EML6: variants seen among roughly 807,000 people sequenced by gnomAD.
EML6 encodes EMAP like 6, also known as echinoderm microtubule-associated protein-like 6.
In EML6, 154 loss-of-function variants were observed where a neutral mutation model predicts 240.1. The ratio of observed to expected loss-of-function variants is 0.64; its 90% confidence interval spans 0.56 to 0.73. The LOEUF (loss-of-function observed/expected upper bound fraction) is 0.73. Ranked by LOEUF, EML6 falls within the 30% of genes least tolerant of loss-of-function variation. The pLI is 0.00. For missense variants in EML6, 2,964 were observed against 2,474.6 expected (o/e 1.20, Z -4.20); for synonymous variants, 1,148 against 899.0 (o/e 1.28, Z -4.95).
intron 25 of EML6, among the ~76,000 whole-genome samples, chr2:54,914,330 C>G (rs1198043693): frequency 6.6e-6 from 1 of 152,182 alleles, no homozygotes; most frequent in Non-Finnish European, 1.5e-5. Flanking sequence ...CATGAAGCCT[C>G]TCAATTTCTC....
At chr2:54,771,703 C>T (rs1668408344) in intron 2 of EML6, among the ~76,000 whole-genome samples, 1 of 152,200 alleles carries the variant, frequency 6.6e-6, no homozygotes, top group Non-Finnish European at 1.5e-5. Context: ...TGCAGCTGTT[C>T]CTCACAGTTG....
intron 8 of EML6, among the ~76,000 whole-genome samples, chr2:54,844,581 G>T (rs1359328048): frequency 6.6e-6 from 1 of 152,206 alleles, no homozygotes; most frequent in Non-Finnish European, 1.5e-5. Flanking sequence ...TTGGTCTTCT[G>T]CAGGGGGCTG....
intron 22 of EML6, 124 bp from the exon 23 acceptor site, chr2:54,902,920 G>T: frequency 1.2e-6 from 1 of 835,292 alleles, no homozygotes; most frequent in Non-Finnish European, 1.9e-6. Context: ...CAAGTGTAGT[G>T]TCAATTTAAA....
chr2:54,923,137 C>T (rs1045118445), intron 26 of EML6, among the ~76,000 whole-genome samples: 1 of 151,754 alleles, frequency 6.6e-6, no homozygotes, highest in Non-Finnish European at 1.5e-5. Flanking sequence ...GATGGGGTTT[C>T]TCCATGTTGA....
intron 7 of EML6, among the ~76,000 whole-genome samples, chr2:54,843,217 T>G (rs1669555609): frequency 6.6e-6 from 1 of 152,224 alleles, no homozygotes; most frequent in East Asian, 1.9e-4. Context: ...AAATACATTC[T>G]ACTGTTTAAG....
intron 38 of EML6, 73 bp downstream of exon 38, chr2:54,964,806 G>A (rs1406992139): frequency 3.5e-6 from 5 of 1,408,934 alleles, no homozygotes; most frequent in South Asian, 2.7e-5. Context: ...TATATTAATC[G>A]AGTCCTTACT....
At chr2:54,853,285 T>C (rs551555848) in intron 10 of EML6, among the ~76,000 whole-genome samples, 22 of 152,302 alleles carry the variant, frequency 1.4e-4, no homozygotes, top group African/African-American at 4.3e-4. Context: ...TAAGTAATTG[T>C]TAGTAGCTTG....
In EML6 at chr2:54,847,078, T is replaced by C. The variant is rs1252828970; in HGVS notation, c.1050-408T>C. On this transcript the variant is annotated intron_variant, in intron 8 of 41. Transcript: ENST00000356458. ...ACACACTACCACATCCAGCTAATTT[T>C]TGTATTTTTTGTAGAGTCTGTGTCT... Among the ~76,000 whole-genome samples, 5 of 151,512 alleles carry C rather than the reference T, an allele frequency of 3.3e-5. No homozygotes were observed. In the South Asian group the frequency reaches 8.4e-4, roughly 25 times the overall value.
rs897065373 is a variant in EML6, at chr2:54,959,039, C to T, written c.4696-65C>T. ...TAGCTCTGGTTCCTTAATGAGAGAACGGGTGGCTGGGGAGGGACCCGCTTG... is the reference window on the plus strand; with the variant it reads ...TAGCTCTGGTTCCTTAATGAGAGAATGGGTGGCTGGGGAGGGACCCGCTTG... On this transcript the variant is annotated intron_variant, in intron 33 of 41. Transcript: ENST00000356458. The T allele has an allele frequency of 2.3e-5, 33 of 1,436,094 alleles. No individual in the cohort carries two copies. In the Admixed American group the frequency reaches 4.3e-4, roughly 19 times the overall value. The allele number at this position is 1,436,094 out of a possible 1,614,324, so 89.0% of individuals were successfully genotyped here.
chr2:54,954,921 C>T (rs532786632), intron 32 of EML6, among the ~76,000 whole-genome samples: 1 of 152,340 alleles, frequency 6.6e-6, no homozygotes, highest in Admixed American at 6.5e-5. Flanking sequence ...AGAGGTGTCA[C>T]TTCTCCCATC....
rs565679124 is a variant in EML6, at chr2:54,790,213, G to C, written c.198-23019G>C. The stretch of plus-strand genomic sequence containing the variant: ...TTATTTCTAATGAGCCAATTGAAAA[G>C]CAAATTAGATAACTTGCTGTGTGTA... On this transcript the variant is annotated intron_variant, in intron 2 of 41. Coordinates refer to ENST00000356458, the MANE Select transcript of EML6 (RefSeq NM_001039753.4). Among the ~76,000 whole-genome samples, 167 of 152,268 alleles carry C rather than the reference G, an allele frequency of 1.1e-3. 1 individual carries two copies. Among genetic ancestry groups the C allele is most frequent in the African/African-American group, 3.8e-3 (157 of 41,558 alleles).
At chr2:54,899,893 T>A (rs1249049652) in intron 22 of EML6, 111 bp downstream of exon 22, 1 of 1,037,636 alleles carries the variant, frequency 9.6e-7, no homozygotes, top group Non-Finnish European at 1.4e-6. Context: ...TGCCCATAAA[T>A]ATGCTGGGCA....
At position 54,911,037 on chromosome 2, in the gene EML6, T is replaced by C; in HGVS notation, c.3493T>C (p.Ser1165Pro). 1 of 1,487,874 alleles carries C rather than the reference T, an allele frequency of 6.7e-7. No homozygotes were observed. Among genetic ancestry groups the C allele is most frequent in the South Asian group, 1.3e-5 (1 of 79,584 alleles). The allele number at this position is 1,487,874 out of a possible 1,614,324, so 92.2% of individuals were successfully genotyped here. Residue 1165 changes from serine to proline, a missense_variant, in exon 25 of 42, where the codon TCA becomes CCA. Transcript: ENST00000356458. ...AGGCAAACGGCATATAATAAGACCTTCAGAGGTAATAATCATACACAAAGA... is the reference window on the plus strand; with the variant it reads ...AGGCAAACGGCATATAATAAGACCTCCAGAGGTAATAATCATACACAAAGA... ...PRGKRHIIRP[S>P]EIEKIEWDTW...
intron 20 of EML6, 62 bp downstream of exon 20, chr2:54,895,088 A>C: frequency 7.1e-7 from 1 of 1,401,894 alleles, no homozygotes; most frequent in Non-Finnish European, 9.9e-7. Context: ...AGATTGTACT[A>C]AAGTTTTTAG....
At chr2:54,928,856 T>C in intron 28 of EML6, 105 bp downstream of exon 28, 2 of 1,353,490 alleles carry the variant, frequency 1.5e-6, no homozygotes, top group Non-Finnish European at 1.0e-6. Flanking sequence ...TTTAAGTCAG[T>C]CTTTTATAAA....
At chr2:54,816,378 A>AT (rs577319826) in intron 3 of EML6, among the ~76,000 whole-genome samples, 6 of 152,210 alleles carry the variant, frequency 3.9e-5, no homozygotes, top group Non-Finnish European at 8.8e-5. Context: ...AAACCCTTAA[A>AT]TTTTAGCAGT....
At chr2:54,897,756 G>C (rs1259873251) in intron 21 of EML6, among the ~76,000 whole-genome samples, 1 of 151,280 alleles carries the variant, frequency 6.6e-6, no homozygotes, top group Non-Finnish European at 1.5e-5. Context: ...TTCCTCTTAG[G>C]TGGATCTCAT....
intron 16 of EML6, among the ~76,000 whole-genome samples, chr2:54,873,061 A>T (rs1024586384): frequency 6.6e-6 from 1 of 152,206 alleles, no homozygotes; most frequent in Non-Finnish European, 1.5e-5. Flanking sequence ...AAAAAAGTGA[A>T]TGACTAAATG....
Position 54,725,204 on chromosome 2 carries a change from A to G in EML6, c.143A>G (p.Asn48Ser), listed in dbSNP as rs1433284385. Residue 48 changes from asparagine (N) to serine (S), a missense_variant, in exon 2 of 42, where the codon AAC (asparagine) becomes AGC (serine). Coordinates refer to ENST00000356458, the MANE Select transcript of EML6 (RefSeq NM_001039753.4). This position sits in a 1 kb window ranked among gnomAD's most constrained non-coding sequence, Gnocchi z 4.3. ...GTGGCTGGGGTCGGGGTGGTTTACA[A>G]CACCCGCGAGCACAGCCAAAAATTC... Reference protein sequence around the residue: ...YFVAGVGVVYNTREHSQKFFL... With the variant: ...YFVAGVGVVYSTREHSQKFFL... 3.3e-6 allele frequency: 5 copies of G among 1,510,240 alleles called. No individual in the cohort carries two copies. The highest frequency in any genetic ancestry group is 3.6e-6 in the Non-Finnish European group (4 of 1,126,134). The allele number at this position is 1,510,240 out of a possible 1,614,324, so 93.6% of individuals were successfully genotyped here.
Sources: gnomAD v4.1 joint callset for allele counts (sites outside exome capture counted in the v4.1 genomes callset) on GRCh38, gnomAD v4.1.1 for gene constraint, Gnocchi (gnomAD v3.1) non-coding constraint, MANE v1.5 for transcripts, NCBI Gene and HGNC (gene_info 2026-07-23, HGNC 2026-07-21) for gene names.